The following SLC12A1 variants were observed in gnomAD, a reference collection of about 807,000 sequenced individuals.
SLC12A1 encodes solute carrier family 12 member 1, also known as Na-K-2Cl cotransporter.
Under a neutral mutation model 130.4 loss-of-function variants are expected in SLC12A1, and 89 were observed. The ratio of observed to expected loss-of-function variants is 0.68; its 90% CI spans 0.58 to 0.81. The LOEUF (loss-of-function observed/expected upper bound fraction) is 0.81, where lower values mean the gene tolerates loss of function less well. Ranked by LOEUF, SLC12A1 falls within the 40% of genes least tolerant of loss-of-function variation. The pLI is 0.00. For synonymous variants in SLC12A1, 499 were observed against 460.0 expected (o/e 1.08, Z -1.09); for missense variants, 1,310 against 1,336.4 (o/e 0.98, Z 0.31).
chr15:48,290,085 C>CT, intron 23 of SLC12A1, among the ~76,000 whole-genome samples: 1 of 152,200 alleles, frequency 6.6e-6, no homozygotes, highest in Non-Finnish European at 1.5e-5. Flanking sequence ...AAAGTGTTTT[C>CT]TTTATATCCT....
chr15:48,270,548 G>A (rs1019103722), intron 19 of SLC12A1, among the ~76,000 whole-genome samples: 2 of 148,922 alleles, frequency 1.3e-5, no homozygotes, highest in African/African-American at 2.5e-5. Context: ...TGAAACTCAT[G>A]ACTATAACGC....
In SLC12A1 at chr15:48,291,652, C is replaced by T. The variant is rs2042122552; in HGVS notation, c.2874-126C>T. On this transcript the variant is annotated intron_variant, in intron 23 of 26. Coordinates refer to ENST00000380993, the MANE Select transcript of SLC12A1 (RefSeq NM_000338.3). ...TGAAAATCAAACACCAACCAAAAAG[C>T]CTCTGTCTGAAAGCTAAGCTGAAAT... The T allele has an allele frequency of 3.1e-5, 21 of 666,860 alleles. No individual in the cohort carries two copies. The South Asian group carries it at 3.4e-4, about 11-fold the overall frequency. 41.3% of individuals were successfully genotyped at this position (666,860 alleles called of 1,614,324 possible).
rs370756380 is a variant in SLC12A1, at chr15:48,301,502, T to TTGG, written c.3164+120_3164+121insTGG. 897 of 439,610 alleles carry TTGG rather than the reference T, an allele frequency of 2.0e-3. 12 individuals carry two copies. The highest frequency in any genetic ancestry group is 0.012 in the Middle Eastern group (25 of 2,144). 27.2% of individuals were successfully genotyped at this position (439,610 alleles called of 1,614,324 possible). On this transcript the variant is annotated intron_variant, in intron 26 of 26. Transcript: ENST00000380993. ...TTTTGTTTTGTTTTTGTGTTTTTTT[T>TTGG]GGGGGGGGGAACACGTGGGATTCTT...
chr15:48,276,208 T>C (rs1034378284), intron 20 of SLC12A1, among the ~76,000 whole-genome samples: 5 of 152,184 alleles, frequency 3.3e-5, no homozygotes, highest in African/African-American at 4.8e-5. Flanking sequence ...AGGAGATGCC[T>C]GGCTCAATTT....
intron 26 of SLC12A1, among the ~76,000 whole-genome samples, chr15:48,301,583 G>A (rs2042234414): frequency 6.6e-6 from 1 of 151,278 alleles, no homozygotes; most frequent in Non-Finnish European, 1.5e-5. Context: ...AGGCCCATGA[G>A]CATCAGAGAG....
intron 23 of SLC12A1, among the ~76,000 whole-genome samples, chr15:48,289,546 A>T (rs1335565853): frequency 6.6e-6 from 1 of 151,648 alleles, no homozygotes; most frequent in Non-Finnish European, 1.5e-5. Flanking sequence ...GTATCAGGCA[A>T]TTTCCTATTG....
chr15:48,291,985 A>G, intron 24 of SLC12A1, 121 bp downstream of exon 24: 1 of 649,146 alleles, frequency 1.5e-6, no homozygotes, highest in Non-Finnish European at 2.7e-6. Flanking sequence ...ATAGGATCTA[A>G]TAAGAAGAGC....
intron 9 of SLC12A1, 86 bp from the exon 10 acceptor site, chr15:48,241,429 A>T (rs1464481603): frequency 1.7e-6 from 2 of 1,145,260 alleles, no homozygotes; most frequent in Non-Finnish European, 2.6e-6. Flanking sequence ...GTAGCCTAAA[A>T]ATCTGAAAAT....
intron 20 of SLC12A1, among the ~76,000 whole-genome samples, chr15:48,283,162 C>T (rs1376196473): frequency 6.6e-6 from 1 of 152,154 alleles, no homozygotes; most frequent in Non-Finnish European, 1.5e-5. Flanking sequence ...AATATACTGC[C>T]TATAGAATGC....
At position 48,234,917 on chromosome 15, in the gene SLC12A1, G is replaced by A; in HGVS notation, c.1128G>A (p.Lys376=). 1 of 1,613,742 alleles carries A rather than the reference G, an allele frequency of 6.2e-7. No individual in the cohort carries two copies. Among genetic ancestry groups the A allele is most frequent in the Non-Finnish European group, 8.5e-7 (1 of 1,179,690 alleles). ...AAAACTTTGGGCCACGCTTCACAAA[G>A]GGTGAAGGCTTCTTCTCTGTCTTTG... ...FAENFGPRFT[K]GEGFFSVFAI... Residue 376 remains lysine (K), a synonymous_variant, in exon 9 of 27, where the codon AAG becomes AAA. Transcript: ENST00000380993.
intron 20 of SLC12A1, among the ~76,000 whole-genome samples, chr15:48,280,964 T>C (rs558370253): frequency 8.5e-5 from 13 of 152,294 alleles, no homozygotes; most frequent in Middle Eastern, 3.4e-3. Context: ...CATTGATCTG[T>C]TCTTTAATTT....
At chr15:48,274,528 A>T in intron 19 of SLC12A1, 43 bp from the exon 20 acceptor site, 1 of 1,298,360 alleles carries the variant, frequency 7.7e-7, no homozygotes, top group Non-Finnish European at 1.1e-6. Flanking sequence ...TTGAGGATTA[A>T]AAGAGCCATT....
intron 23 of SLC12A1, among the ~76,000 whole-genome samples, chr15:48,289,835 G>A (rs902467855): frequency 6.6e-6 from 1 of 152,156 alleles, no homozygotes; most frequent in Non-Finnish European, 1.5e-5. Context: ...AGTGGTGAGT[G>A]AATGTGAGGC....
intron 15 of SLC12A1, among the ~76,000 whole-genome samples, chr15:48,252,355 T>C (rs1157321502): frequency 1.3e-5 from 2 of 152,190 alleles, no homozygotes; most frequent in Non-Finnish European, 2.9e-5. Flanking sequence ...GCCAAAGTAA[T>C]AATCAAGATG....
chr15:48,245,662 T>C (rs918941910), intron 11 of SLC12A1, among the ~76,000 whole-genome samples: 5 of 152,240 alleles, frequency 3.3e-5, no homozygotes, highest in African/African-American at 1.2e-4. Flanking sequence ...CTTTATCCAG[T>C]CCACCATTGA....
intron 17 of SLC12A1, among the ~76,000 whole-genome samples, chr15:48,259,931 T>C (rs935283744): frequency 6.6e-6 from 1 of 152,122 alleles, no homozygotes; most frequent in African/African-American, 2.4e-5. Context: ...ATCATAACTG[T>C]TGACCAATTT....
At position 48,240,053 on chromosome 15, in the gene SLC12A1, AT is replaced by A; in HGVS notation, c.1216-1461del. On this transcript the variant is annotated intron_variant, in intron 9 of 26. Transcript: ENST00000380993. ...TCCATATATATATATATATATCCAT[AT>A]ATATATATATATATATCCATATATA... Among the ~76,000 whole-genome samples, 3 of 15,702 alleles carry A rather than the reference AT, an allele frequency of 1.9e-4. No homozygotes were observed. In the East Asian group the frequency reaches 2.1e-3, roughly 11 times the overall value. The allele number at this position is 15,702 out of a possible 152,430, so 10.3% of individuals were successfully genotyped here. A position where few individuals can be genotyped will look rare whatever the true frequency, so the allele number is the denominator to read the frequency against.
chr15:48,244,268 ACT>A (rs1367309615), intron 10 of SLC12A1, among the ~76,000 whole-genome samples: 1 of 152,174 alleles, frequency 6.6e-6, no homozygotes, highest in Non-Finnish European at 1.5e-5. Flanking sequence ...TAGAACTGTA[ACT>A]CTGTTTGATA....
intron 10 of SLC12A1, among the ~76,000 whole-genome samples, chr15:48,243,126 G>A (rs567173205): frequency 2.0e-5 from 3 of 152,042 alleles, no homozygotes; most frequent in Non-Finnish European, 4.4e-5. Context: ...AATGGCTCTT[G>A]GCCTGGCTTC....
Sources: allele counts gnomAD v4.1 joint callset (sites outside exome capture counted in the v4.1 genomes callset), GRCh38; gene constraint gnomAD v4.1.1; transcripts MANE v1.5; gene names NCBI Gene and HGNC (gene_info 2026-07-23, HGNC 2026-07-21).